The following TJP1 variants were observed in gnomAD, a reference collection of about 807,000 sequenced individuals.
TJP1 encodes tight junction protein ZO-1.
In TJP1, 43 loss-of-function variants were observed where a neutral mutation model predicts 194.2. The observed-to-expected ratio is 0.22, with a 90% CI of 0.17 to 0.29. The LOEUF is 0.29. TJP1 is among the 10% of genes least tolerant of loss of function. The pLI is 1.00. For missense variants in TJP1, 1,971 were observed against 2,185.7 expected (o/e 0.90, Z 1.96); for synonymous variants, 801 against 779.0 (o/e 1.03, Z -0.47).
intron 2 of TJP1, among the ~76,000 whole-genome samples, chr15:29,930,482 T>TTATC (rs2054671292): frequency 6.6e-6 from 1 of 152,214 alleles, no homozygotes; most frequent in Non-Finnish European, 1.5e-5. Context: ...AAAAACTGCA[T>TTATC]TATCATCTTA....
rs563718246 is a variant in TJP1 at position 29,925,605 on chromosome 15, A to G, written c.306+30627T>C. On this transcript the variant is annotated intron_variant, in intron 2 of 28. Coordinates refer to the TJP1 transcript ENST00000356107. ...ATTATTCTTAGAAATACACAAATAC[A>G]CGCACCCTTTTTTCTAGTATGGGCT... Among the ~76,000 whole-genome samples, 5 of 152,160 alleles carry G rather than the reference A, an allele frequency of 3.3e-5. No homozygotes were observed. The East Asian group carries it at 7.8e-4, about 24-fold the overall frequency.
chr15:29,733,286 A>T lies in TJP1; in HGVS notation c.1544T>A (p.Val515Glu). The T allele has an allele frequency of 1.2e-6, 2 of 1,612,886 alleles. No homozygotes were observed. The highest frequency in any genetic ancestry group is 1.7e-6 in the Non-Finnish European group (2 of 1,179,102). ...DVYRRIVESD[V>E]GDSFYIRTHF... ...GGTTCTAATATAGAAAGAATCTCCT[A>T]CATCTGATTCTACAATGCGACGATA... Residue 515 changes from valine (V) to glutamate (E), a missense_variant, in exon 13 of 28, where the codon GTA becomes GAA. Val to Glu is a moderately radical substitution (Grantham distance 121, BLOSUM62 -2). This residue lies in a region of TJP1 where 402 missense variants were observed against 484.2 expected (regional missense o/e 0.83). Transcript: ENST00000614355.
At chr15:29,720,082 T>G in intron 19 of TJP1, 66 bp from the exon 20 acceptor site, 1 of 1,520,380 alleles carries the variant, frequency 6.6e-7, no homozygotes, top group Non-Finnish European at 8.8e-7. Context: ...CACTTCAATT[T>G]ATAGTGATTG....
Position 29,708,630 on chromosome 15 carries a change from GAA to G in TJP1, c.4777_4778del (p.Phe1593LeufsTer8). 1 of 1,614,188 alleles carries G rather than the reference GAA, an allele frequency of 6.2e-7. No individual in the cohort carries two copies. The highest frequency in any genetic ancestry group is 8.5e-7 in the Non-Finnish European group (1 of 1,180,026). On this transcript the variant is annotated frameshift_variant, in exon 25 of 28. Transcript: ENST00000614355. LOFTEE classifies it high-confidence loss of function. Reference sequence around the variant, plus strand: ...ATTTAGGCTTCTCTGCATGGATAGAGAAAGTTTCAACTCCACTGTCAAACTCA... The same window carrying G: ...ATTTAGGCTTCTCTGCATGGATAGAGAGTTTCAACTCCACTGTCAAACTCA... ...PPEFDSGVET[F>X]SIHAEKPKYQ...
In TJP1 at chr15:29,967,187, A is replaced by T. The variant is rs1045169521; in HGVS notation, c.173+1480T>A. On this transcript the variant is annotated intron_variant, in intron 1 of 28. Coordinates refer to the TJP1 transcript ENST00000356107. ...CACCACCATGCCCGGGTAATTTTGTATTTTTTTGGTTTATTTGTTTGTTTA... is the reference window on the plus strand; with the variant it reads ...CACCACCATGCCCGGGTAATTTTGTTTTTTTTTGGTTTATTTGTTTGTTTA... 5.3e-5 allele frequency among the ~76,000 whole-genome samples: 8 copies of T among 151,174 alleles called. No individual in the cohort carries two copies. In the East Asian group the frequency reaches 1.6e-3, roughly 29 times the overall value.
intron 2 of TJP1, among the ~76,000 whole-genome samples, chr15:29,865,335 T>C (rs999033669): frequency 1.3e-5 from 2 of 152,214 alleles, no homozygotes; most frequent in Admixed American, 1.3e-4. Flanking sequence ...CAAATGTTAA[T>C]GTAAACTCTG....
At chr15:29,790,761 T>G (rs904051387) in intron 2 of TJP1, among the ~76,000 whole-genome samples, 5 of 151,836 alleles carry the variant, frequency 3.3e-5, no homozygotes, top group African/African-American at 1.2e-4. Flanking sequence ...CTTTTTTTTT[T>G]TTTTTTTAGT....
At chr15:29,710,685 T>C in intron 24 of TJP1, 146 bp downstream of exon 24, 2 of 974,022 alleles carry the variant, frequency 2.1e-6, no homozygotes, top group Non-Finnish European at 3.0e-6. Flanking sequence ...AGACATACTT[T>C]TAACAAAATT....
chr15:29,807,668 T>C (rs1025112257), intron 1 of TJP1, among the ~76,000 whole-genome samples: 16 of 151,566 alleles, frequency 1.1e-4, no homozygotes, highest in African/African-American at 3.9e-4. Flanking sequence ...GGGGAGGAAA[T>C]CAAAAACAGA....
intron 2 of TJP1, among the ~76,000 whole-genome samples, chr15:29,953,576 GC>G (rs2055835248): frequency 2.0e-5 from 3 of 152,278 alleles, no homozygotes; most frequent in Non-Finnish European, 4.4e-5. Flanking sequence ...GAGGAGCCAA[GC>G]TGTTAAGCTC....
In TJP1 at chr15:29,718,124, TAAAAAAAAA is replaced by T. The variant is rs563006679; in HGVS notation, c.3877-15_3877-7del. The stretch of plus-strand genomic sequence containing the variant: ...TTAGATGCTACTTCTGGAGGCTGTT[TAAAAAAAAA>T]AAAAAAAAAAAGACAAATATGCCTA... On this transcript the variant is annotated splice_polypyrimidine_tract_variant and splice_region_variant and intron_variant, in intron 21 of 27. Coordinates refer to ENST00000614355, the MANE Select transcript of TJP1 (RefSeq NM_001330239.4). 3.5e-6 allele frequency: 5 copies of T among 1,427,692 alleles called. No individual in the cohort carries two copies. Among genetic ancestry groups the T allele is most frequent in the Non-Finnish European group, 4.7e-6 (5 of 1,062,708 alleles). 88.4% of individuals were successfully genotyped at this position (1,427,692 alleles called of 1,614,324 possible).
rs533016196 is a variant in TJP1, at chr15:29,752,882, T to C, written c.1010+8257A>G. On this transcript the variant is annotated intron_variant, in intron 8 of 27. Coordinates refer to ENST00000614355, the MANE Select transcript of TJP1 (RefSeq NM_001330239.4). ...GCTCTTATGATGTAGCCACATGGGC[T>C]ATATTGCTGCCCTTCCAGTAGGTCG... Among the ~76,000 whole-genome samples the C allele has an allele frequency of 3.3e-5, 5 of 152,288 alleles. No individual in the cohort carries two copies. The South Asian group carries it at 1.0e-3, about 32-fold the overall frequency.
chr15:29,924,462 GCAAAAAGACATTAAAATGTTTT>G (rs2054464478), intron 2 of TJP1, among the ~76,000 whole-genome samples: 1 of 152,234 alleles, frequency 6.6e-6, no homozygotes, highest in African/African-American at 2.4e-5. Flanking sequence ...ACAAGAGATA[GCAAAAAGACATTAAAATGTTTT>G]CAAAGAATAT....
At position 29,949,457 on chromosome 15, in the gene TJP1, ACTT is replaced by A. The variant is rs1427716807; in HGVS notation, c.306+6772_306+6774del. On this transcript the variant is annotated intron_variant, in intron 2 of 28. Transcript: ENST00000356107. Reference sequence around the variant, plus strand: ...CACCTCCACCTCCACCTTCACCACCACTTCCACCACCACCACCTCCACAACCAC... The same window carrying A: ...CACCTCCACCTCCACCTTCACCACCACCACCACCACCACCTCCACAACCAC... Among the ~76,000 whole-genome samples the A allele has an allele frequency of 2.6e-3, 248 of 95,536 alleles. 1 individual carries two copies. The highest frequency in any genetic ancestry group is 8.1e-3 in the African/African-American group (186 of 23,066). The allele number at this position is 95,536 out of a possible 152,430, so 62.7% of individuals were successfully genotyped here. A position where few individuals can be genotyped will look rare whatever the true frequency, so the allele number is the denominator to read the frequency against.
intron 1 of TJP1, among the ~76,000 whole-genome samples, chr15:29,959,171 A>G (rs1402229275): frequency 1.3e-5 from 2 of 151,692 alleles, no homozygotes; most frequent in Non-Finnish European, 2.9e-5. Flanking sequence ...CTGTATTTTT[A>G]GTAGAGACGG....
rs140797429 is a variant in TJP1, at chr15:29,770,580, C to T, written c.312+1484G>A. ...AATACAAAAAAATTAGCTCTGGTGGCGGGTGCCTGTAGTCCCAGCTACTCG... is the reference window on the plus strand; with the variant it reads ...AATACAAAAAAATTAGCTCTGGTGGTGGGTGCCTGTAGTCCCAGCTACTCG... On this transcript the variant is annotated intron_variant, in intron 4 of 27. Transcript: ENST00000614355. Among the ~76,000 whole-genome samples, 548 of 150,758 alleles carry T rather than the reference C, an allele frequency of 3.6e-3. 3 individuals carry two copies. The highest frequency in any genetic ancestry group is 0.011 in the African/African-American group (462 of 40,932).
intron 1 of TJP1, among the ~76,000 whole-genome samples, chr15:29,804,550 G>T (rs947308496): frequency 2.0e-5 from 3 of 152,142 alleles, no homozygotes; most frequent in Non-Finnish European, 2.9e-5. Flanking sequence ...CCTAAGAAAC[G>T]CATGGCTTCT....
At chr15:29,819,428 T>C (rs1480192744) in intron 1 of TJP1, among the ~76,000 whole-genome samples, 2 of 152,172 alleles carry the variant, frequency 1.3e-5, no homozygotes, top group Non-Finnish European at 2.9e-5. Flanking sequence ...AGGGTTACTG[T>C]GAGAATTAAA....
chr15:29,737,144 T>C (rs548824104), intron 11 of TJP1, 120 bp downstream of exon 11: 27 of 1,229,490 alleles, frequency 2.2e-5, no homozygotes, highest in Non-Finnish European at 2.8e-5. Flanking sequence ...AAAGTTTAAC[T>C]GGCTCAATGG....
Sources: allele counts gnomAD v4.1 joint callset (sites outside exome capture counted in the v4.1 genomes callset), GRCh38; gene constraint gnomAD v4.1.1; regional missense constraint gnomAD v4.1.1; transcripts MANE v1.5; gene names NCBI Gene and HGNC (gene_info 2026-07-23, HGNC 2026-07-21).